The following WDR41 variants were observed in gnomAD, a reference collection of about 807,000 sequenced individuals.
WDR41 encodes WD repeat domain 41, also known as WD repeat-containing protein 41.
In WDR41, 63 loss-of-function variants were observed where a neutral mutation model predicts 69.3. That is an observed-to-expected ratio of 0.91 (90% CI 0.74 to 1.12). The LOEUF (loss-of-function observed/expected upper bound fraction) is 1.12. Among genes scored for constraint, WDR41 ranks in the 50% most tolerant of loss-of-function variants. The pLI is 0.00. For synonymous variants in WDR41, 185 were observed against 192.1 expected, an observed-to-expected ratio of 0.96 and a Z score of 0.31; for missense variants, 543 against 534.5, an observed-to-expected ratio of 1.02 and a Z score of -0.16.
intron 1 of WDR41, among the ~76,000 whole-genome samples, chr5:77,553,430 TC>T (rs1311109764): frequency 2.6e-5 from 4 of 152,160 alleles, no homozygotes; most frequent in Non-Finnish European, 4.4e-5. Context: ...GAGAGCAGAA[TC>T]CCCCTGATTT....
At chr5:77,566,206 T>C (rs1743624367) in intron 1 of WDR41, among the ~76,000 whole-genome samples, 3 of 152,072 alleles carry the variant, frequency 2.0e-5, no homozygotes, top group Admixed American at 2.0e-4. Context: ...TAACACACCA[T>C]GGAATCATAG....
At chr5:77,470,279 C>T (rs925642598) in intron 2 of WDR41, among the ~76,000 whole-genome samples, 4 of 152,110 alleles carry the variant, frequency 2.6e-5, no homozygotes, top group African/African-American at 9.7e-5. Flanking sequence ...CTGAAGGAAG[C>T]ACTAAACATG....
At chr5:77,484,347 G>A (rs1187587504) in intron 2 of WDR41, among the ~76,000 whole-genome samples, 1 of 152,176 alleles carries the variant, frequency 6.6e-6, no homozygotes, top group Non-Finnish European at 1.5e-5. Flanking sequence ...TTCAGGGCAC[G>A]ATGCAAAACA....
At chr5:77,435,378 C>A (rs1278549088) in intron 12 of WDR41, among the ~76,000 whole-genome samples, 1 of 152,198 alleles carries the variant, frequency 6.6e-6, no homozygotes, top group Non-Finnish European at 1.5e-5. Context: ...CCTAGGGTAA[C>A]AGCCTATTAG....
chr5:77,471,423 G>A (rs1292558387), intron 2 of WDR41, among the ~76,000 whole-genome samples: 1 of 152,106 alleles, frequency 6.6e-6, no homozygotes, highest in Non-Finnish European at 1.5e-5. Flanking sequence ...AAATAACTAA[G>A]ATCAGAGCAG....
chr5:77,523,630 T>C (rs1802405360), intron 1 of WDR41, among the ~76,000 whole-genome samples: 1 of 152,126 alleles, frequency 6.6e-6, no homozygotes, highest in South Asian at 2.1e-4. Flanking sequence ...TTGGGTTTAG[T>C]AAGTGTCACT....
intron 8 of WDR41, among the ~76,000 whole-genome samples, chr5:77,448,247 C>G (rs1244782263): frequency 6.6e-6 from 1 of 152,102 alleles, no homozygotes; most frequent in Non-Finnish European, 1.5e-5. Flanking sequence ...CTCAGTGTCA[C>G]CAATGAGGCT....
At chr5:77,555,225 C>T (rs1449724631) in intron 1 of WDR41, among the ~76,000 whole-genome samples, 3 of 152,072 alleles carry the variant, frequency 2.0e-5, no homozygotes, top group African/African-American at 4.8e-5. Flanking sequence ...AAAATGTTAC[C>T]GTTGGAGGAA....
At chr5:77,441,739 A>AACAC (rs112452862) in intron 8 of WDR41, among the ~76,000 whole-genome samples, 15,996 of 150,346 alleles carry the variant, frequency 0.11, 1,444 homozygotes, top group African/African-American at 0.23. Context: ...CTCAGTCTAA[A>AACAC]ACACACACAC....
intron 2 of WDR41, among the ~76,000 whole-genome samples, chr5:77,481,068 C>G (rs1678775): frequency 0.14 from 20,756 of 151,306 alleles, 1,991 homozygotes; most frequent in African/African-American, 0.24. Flanking sequence ...GTTGCCCAGG[C>G]TGGAGTGCAA....
At chr5:77,512,331 T>TGAGTGAGAGAGAGAGAGA (rs1554034068) in intron 1 of WDR41, among the ~76,000 whole-genome samples, 2 of 87,934 alleles carry the variant, frequency 2.3e-5, no homozygotes, top group African/African-American at 1.0e-4. Context: ...ATGGGGTGAG[T>TGAGTGAGAGAGAGAGAGA]GAGAGAGAGA....
At chr5:77,484,912 T>A (rs1273211697) in intron 2 of WDR41, among the ~76,000 whole-genome samples, 2 of 152,218 alleles carry the variant, frequency 1.3e-5, no homozygotes, top group African/African-American at 4.8e-5. Flanking sequence ...CGGCTCCTAG[T>A]CACTGGGATT....
chr5:77,556,397 A>G (rs1743395861), intron 1 of WDR41, among the ~76,000 whole-genome samples: 1 of 151,982 alleles, frequency 6.6e-6, no homozygotes, highest in Admixed American at 6.6e-5. Context: ...GAGCCGTTGC[A>G]CCCGACTGAC....
At chr5:77,586,491 C>T (rs982393455) in intron 1 of WDR41, among the ~76,000 whole-genome samples, 4 of 151,836 alleles carry the variant, frequency 2.6e-5, no homozygotes, top group South Asian at 2.1e-4. Context: ...ATTATTTGTA[C>T]GGAAAGGGTT....
At chr5:77,508,272 C>A (rs1210904055) in intron 1 of WDR41, among the ~76,000 whole-genome samples, 1 of 152,196 alleles carries the variant, frequency 6.6e-6, no homozygotes, top group South Asian at 2.1e-4. Context: ...AGGCACACAG[C>A]ACCAAGCCCA....
intron 2 of WDR41, among the ~76,000 whole-genome samples, chr5:77,475,257 C>A (rs1800853754): frequency 6.6e-6 from 1 of 152,228 alleles, no homozygotes; most frequent in Non-Finnish European, 1.5e-5. Context: ...CCCGCCATTG[C>A]CCAGACTTGC....
chr5:77,602,421 T>A (rs1360323320), intron 1 of WDR41, among the ~76,000 whole-genome samples: 1 of 152,186 alleles, frequency 6.6e-6, no homozygotes, highest in East Asian at 1.9e-4. Flanking sequence ...ATTACAGGCA[T>A]GAGCCATCGT....
chr5:77,457,616 C>T (rs1385273734), intron 5 of WDR41, among the ~76,000 whole-genome samples: 1 of 152,068 alleles, frequency 6.6e-6, no homozygotes, highest in East Asian at 1.9e-4. Context: ...CCGGGAAGAT[C>T]ATATCAATTT....
At chr5:77,443,208 G>T (rs1478684969) in intron 8 of WDR41, among the ~76,000 whole-genome samples, 1 of 152,070 alleles carries the variant, frequency 6.6e-6, no homozygotes, top group Non-Finnish European at 1.5e-5. Flanking sequence ...ATTTTAAAAA[G>T]ACATCAAATA....
Sources: allele counts gnomAD v4.1 joint callset (sites outside exome capture counted in the v4.1 genomes callset), GRCh38; gene constraint gnomAD v4.1.1; transcripts MANE v1.5; gene names NCBI Gene and HGNC (gene_info 2026-07-23, HGNC 2026-07-21).